Variants in DLG2 observed in about 807,000 individuals in gnomAD.
DLG2 encodes the protein discs large MAGUK scaffold protein 2.
A neutral mutation model predicts 132.5 loss-of-function variants in DLG2; 45 were observed. The ratio of observed to expected loss-of-function variants is 0.34; its 90% confidence interval spans 0.27 to 0.44. The LOEUF (loss-of-function observed/expected upper bound fraction) is 0.44, where lower values mean the gene tolerates loss of function less well. Among genes scored for constraint, DLG2 ranks in the 20% least tolerant of loss-of-function variants. DLG2 has a pLI of 1.00. For synonymous variants in DLG2, 424 were observed against 419.6 expected (o/e 1.01, Z -0.13); for missense variants, 1,045 against 1,196.9 (o/e 0.87, Z 1.87).
rs68181463 is a variant in DLG2 at position 84,205,555 on chromosome 11, T to TA, written c.574-42045dup. ...TTCTCTGAGAATAACAGAATTAAAT[T>TA]AAAAAAAAAAACAAAAATAAAGTAA... On this transcript the variant is annotated intron_variant, in intron 8 of 27. Coordinates refer to ENST00000376104, the MANE Select transcript of DLG2 (RefSeq NM_001142699.3). Among the ~76,000 whole-genome samples the TA allele has an allele frequency of 2.7e-4, 40 of 150,416 alleles. No individual in the cohort carries two copies. The East Asian group carries it at 3.0e-3, about 11-fold the overall frequency.
chr11:84,454,786 C>A (rs2099061003), intron 7 of DLG2, among the ~76,000 whole-genome samples: 2 of 151,288 alleles, frequency 1.3e-5, no homozygotes, highest in Admixed American at 1.3e-4. Flanking sequence ...AAGATGCAAA[C>A]AAATTTATAG....
At chr11:83,730,703 GCCTGAAGAGACTCAAAGTCCTTTT>G (rs1424295901) in intron 18 of DLG2, among the ~76,000 whole-genome samples, 2 of 152,112 alleles carry the variant, frequency 1.3e-5, no homozygotes. Context: ...TGCTCGCTGT[GCCTGAAGAGACTCAAAGTCCTTTT>G]CCTTCATCTT....
intron 3 of DLG2, among the ~76,000 whole-genome samples, chr11:85,552,051 C>G (rs2076695194): frequency 7.0e-6 from 1 of 143,186 alleles, no homozygotes. Flanking sequence ...AAACTCCTTT[C>G]ACTGGAACCT....
chr11:83,858,995 G>C (rs1423245479), intron 16 of DLG2, among the ~76,000 whole-genome samples: 1 of 152,196 alleles, frequency 6.6e-6, no homozygotes, highest in Non-Finnish European at 1.5e-5. Flanking sequence ...TCCCTGCACA[G>C]GCTGTCTCTT....
intron 6 of DLG2, among the ~76,000 whole-genome samples, chr11:84,726,819 G>C (rs755667227): frequency 1.3e-5 from 2 of 151,716 alleles, no homozygotes; most frequent in South Asian, 2.1e-4. Flanking sequence ...ACTGGCATGA[G>C]ATGGTGGTTT....
intron 3 of DLG2, among the ~76,000 whole-genome samples, chr11:85,336,726 C>T (rs2082159333): frequency 1.3e-5 from 2 of 152,284 alleles, no homozygotes; most frequent in South Asian, 4.1e-4. Context: ...CTGGGGCAGG[C>T]CCAGATGAGC....
chr11:84,667,299 A>G lies in DLG2; in HGVS notation c.358-132568T>C, dbSNP rs68148406. 8.8e-3 allele frequency among the ~76,000 whole-genome samples: 1,344 copies of G among 152,230 alleles called. 16 individuals carry two copies. The highest frequency in any genetic ancestry group is 0.015 in the Non-Finnish European group (1,046 of 67,992). On this transcript the variant is annotated intron_variant, in intron 6 of 27. Coordinates refer to ENST00000376104, the MANE Select transcript of DLG2 (RefSeq NM_001142699.3). ...ATGCATGTCTTGTGAGAGACAAAAT[A>G]CCATTATTATGGATATACAAACATG...
At chr11:84,350,184 C>CAAAA (rs398045349) in intron 7 of DLG2, among the ~76,000 whole-genome samples, 2 of 102,200 alleles carry the variant, frequency 2.0e-5, no homozygotes, top group African/African-American at 6.7e-5. Flanking sequence ...TCCCCCCCCC[C>CAAAA]AAAAAAAAAA....
intron 11 of DLG2, among the ~76,000 whole-genome samples, chr11:84,009,456 A>AT (rs923107378): frequency 1.3e-4 from 19 of 151,982 alleles, no homozygotes; most frequent in African/African-American, 1.9e-4. Flanking sequence ...ATATGGTATG[A>AT]TTTTTTTTCT....
At chr11:85,457,620 T>A (rs144112904) in intron 3 of DLG2, among the ~76,000 whole-genome samples, 1 of 152,350 alleles carries the variant, frequency 6.6e-6, no homozygotes, top group Admixed American at 6.5e-5. Context: ...GGACCTATTG[T>A]AAAGCAGCAA....
At chr11:84,599,802 C>T (rs1292191441) in intron 6 of DLG2, among the ~76,000 whole-genome samples, 2 of 152,016 alleles carry the variant, frequency 1.3e-5, no homozygotes, top group Admixed American at 6.6e-5. Context: ...GAGGCAGAGG[C>T]AGGCAGATCG....
chr11:84,556,926 A>C (rs1404698258), intron 6 of DLG2, among the ~76,000 whole-genome samples: 1 of 152,182 alleles, frequency 6.6e-6, no homozygotes, highest in Non-Finnish European at 1.5e-5. Context: ...AAACTTCCTC[A>C]TAACTGCCAT....
At chr11:83,947,143 T>A (rs2084206975) in intron 14 of DLG2, among the ~76,000 whole-genome samples, 1 of 152,186 alleles carries the variant, frequency 6.6e-6, no homozygotes, top group African/African-American at 2.4e-5. Flanking sequence ...TCTACAAAAA[T>A]AACCACTGCA....
chr11:83,772,204 T>C (rs543292969), intron 18 of DLG2, among the ~76,000 whole-genome samples: 3 of 152,002 alleles, frequency 2.0e-5, no homozygotes, highest in African/African-American at 7.2e-5. Context: ...GCTCAGGAGT[T>C]TGAGGCCAGC....
chr11:83,533,642 A>T (rs1020031311), intron 20 of DLG2, among the ~76,000 whole-genome samples: 1 of 152,186 alleles, frequency 6.6e-6, no homozygotes, highest in Non-Finnish European at 1.5e-5. Context: ...GATTTTTCAC[A>T]GAAGGAACAA....
rs113471034 is a variant in DLG2 at position 83,911,348 on chromosome 11, G to A, written c.1496+18980C>T. Among the ~76,000 whole-genome samples the A allele has an allele frequency of 2.2e-3, 330 of 152,188 alleles. 4 individuals are homozygous for A. The highest frequency in any genetic ancestry group is 7.5e-3 in the African/African-American group (313 of 41,532). On this transcript the variant is annotated intron_variant, in intron 15 of 27. Transcript: ENST00000376104. Reference sequence around the variant, plus strand: ...ATTATCATTCTATATTGCTTTTACCGTAGTTATTTTTTCCTTCAGGGTACA... The same window carrying A: ...ATTATCATTCTATATTGCTTTTACCATAGTTATTTTTTCCTTCAGGGTACA...
At chr11:83,864,224 C>A (rs2061914961) in intron 16 of DLG2, among the ~76,000 whole-genome samples, 1 of 152,162 alleles carries the variant, frequency 6.6e-6, no homozygotes, top group African/African-American at 2.4e-5. Context: ...TAGTAGCTTC[C>A]CTCAAATCAG....
intron 6 of DLG2, among the ~76,000 whole-genome samples, chr11:84,792,220 AT>A (rs1172169313): frequency 6.6e-6 from 1 of 152,158 alleles, no homozygotes; most frequent in Non-Finnish European, 1.5e-5. Context: ...TTCTGTTTAT[AT>A]GGTGTATCAC....
intron 16 of DLG2, among the ~76,000 whole-genome samples, chr11:83,849,386 T>C (rs1054256740): frequency 3.3e-5 from 5 of 151,160 alleles, no homozygotes; most frequent in African/African-American, 4.8e-5. Context: ...CAAATGTTTA[T>C]CGAGCATAAA....
Sources: allele counts gnomAD v4.1 joint callset (sites outside exome capture counted in the v4.1 genomes callset), GRCh38; gene constraint gnomAD v4.1.1; transcripts MANE v1.5; gene names NCBI Gene and HGNC (gene_info 2026-07-23, HGNC 2026-07-21).